MFSD11: variants seen among roughly 807,000 people sequenced by gnomAD.
The protein encoded by MFSD11 is major facilitator superfamily domain containing 11.
MFSD11 carries 36 observed loss-of-function variants against 53.5 expected under a neutral mutation model. That is an observed-to-expected ratio of 0.67 (90% CI 0.52 to 0.89). MFSD11 has a LOEUF of 0.89. Ranked by LOEUF, MFSD11 falls within the 40% of genes least tolerant of loss-of-function variation. The probability of loss-of-function intolerance (pLI) is 0.00; values close to 1 mark genes in which losing one functional copy is unlikely to be tolerated. For missense variants in MFSD11, 530 were observed against 543.9 expected (o/e 0.97, Z 0.25); for synonymous variants, 186 against 184.9 (o/e 1.01, Z -0.05).
intron 8 of MFSD11, among the ~76,000 whole-genome samples, chr17:76,758,987 G>A (rs1435902735): frequency 6.6e-6 from 1 of 152,102 alleles, no homozygotes. Flanking sequence ...GCTCACACCT[G>A]TAATACCAGC....
downstream of MFSD11, among the ~76,000 whole-genome samples, chr17:76,780,508 T>C (rs1168700574): frequency 6.7e-6 from 1 of 150,066 alleles, no homozygotes; most frequent in Non-Finnish European, 1.5e-5. Flanking sequence ...TTTTGGTTGT[T>C]GTGTATGTGT....
At chr17:76,751,641 A>G (rs1477072189) in intron 7 of MFSD11, among the ~76,000 whole-genome samples, 1 of 151,476 alleles carries the variant, frequency 6.6e-6, no homozygotes, top group Non-Finnish European at 1.5e-5. Flanking sequence ...TCAAGGCTAC[A>G]CTGAGCCATG....
At chr17:76,753,996 T>A in intron 7 of MFSD11, 51 bp from the exon 8 acceptor site, 3 of 1,455,910 alleles carry the variant, frequency 2.1e-6, no homozygotes, top group Non-Finnish European at 2.8e-6. Context: ...GTATGTTTGT[T>A]CTTTTATTTT....
the MFSD11 span, among the ~76,000 whole-genome samples, chr17:76,794,338 G>A: frequency 0.8 from 120,842 of 150,576 alleles, 50,905 homozygotes; most frequent in Non-Finnish European, 0.93. Flanking sequence ...TTAGCCGGGC[G>A]TGGTGGAGCG....
the MFSD11 span, among the ~76,000 whole-genome samples, chr17:76,801,201 G>A: frequency 1.3e-5 from 2 of 151,732 alleles, no homozygotes; most frequent in Non-Finnish European, 2.9e-5. Flanking sequence ...TGACCAGCCT[G>A]GCCAACATGG....
the MFSD11 span, among the ~76,000 whole-genome samples, chr17:76,793,009 A>G: frequency 2.0e-5 from 3 of 151,492 alleles, no homozygotes; most frequent in African/African-American, 7.4e-5. Context: ...GGTGTGGGTC[A>G]AAGAGATCAC....
chr17:76,764,380 T>C (rs1275583836), intron 8 of MFSD11, among the ~76,000 whole-genome samples: 2 of 152,116 alleles, frequency 1.3e-5, no homozygotes, highest in Non-Finnish European at 2.9e-5. Context: ...AACGAAAACT[T>C]TGTACTCTTT....
At chr17:76,803,184 C>CA in the MFSD11 span, among the ~76,000 whole-genome samples, 3,489 of 150,510 alleles carry the variant, frequency 0.023, 132 homozygotes, top group African/African-American at 0.078. Flanking sequence ...ACAAAACAAA[C>CA]AAAAAAAAAC....
intron 8 of MFSD11, among the ~76,000 whole-genome samples, chr17:76,755,800 ATATATATATATATTTTTTTTT>A (rs2079537443): frequency 1.8e-4 from 4 of 22,062 alleles, no homozygotes; most frequent in Non-Finnish European, 3.9e-4. Context: ...ACATATATAT[ATATATATATATATTTTTTTTT>A]TTTTTTTTTT....
intron 6 of MFSD11, among the ~76,000 whole-genome samples, chr17:76,744,009 G>A (rs138973111): frequency 9.8e-5 from 15 of 152,292 alleles, no homozygotes; most frequent in Admixed American, 5.2e-4. Flanking sequence ...ACGAGCTTAC[G>A]AGAATACTGC....
the MFSD11 span, among the ~76,000 whole-genome samples, chr17:76,802,185 C>T: frequency 2.0e-5 from 3 of 152,106 alleles, no homozygotes; most frequent in South Asian, 2.1e-4. Context: ...GCAGGAGAAT[C>T]GCTTGAAGCC....
intron 7 of MFSD11, among the ~76,000 whole-genome samples, chr17:76,749,759 G>A (rs1434445942): frequency 7.2e-5 from 11 of 151,800 alleles, no homozygotes; most frequent in African/African-American, 2.7e-4. Flanking sequence ...GTGTGGTGGT[G>A]TGTGCCTGTA....
rs1313552445 is a variant in MFSD11, at chr17:76,743,454, C to T, written c.494C>T (p.Ser165Leu). The T allele has an allele frequency of 6.4e-7, 1 of 1,572,268 alleles. No homozygotes were observed. The highest frequency in any genetic ancestry group is 1.4e-5 in the African/African-American group (1 of 72,806). ...GCCTGGCAAGGGAAAACTCAGATAT[C>T]AGGTTTGTTTTATTCGCGTTGCTTT... ...YFAWQGKTQI[S>L]ESDRRTVFIA... The change falls in exon 6 of 13, where the codon TCA (serine) becomes TTA (leucine). Residue 165 changes from serine (S) to leucine (L), a missense_variant and splice_region_variant. Physicochemically the swap from Ser to Leu is moderately radical, Grantham distance 145. Transcript: ENST00000685175.
chr17:76,795,965 G>A, the MFSD11 span, among the ~76,000 whole-genome samples: 49 of 151,818 alleles, frequency 3.2e-4, no homozygotes, highest in East Asian at 5.0e-3. Flanking sequence ...ACGCCTGGCC[G>A]ATCAGGCCCA....
intron 8 of MFSD11, among the ~76,000 whole-genome samples, chr17:76,763,695 A>G (rs2080510798): frequency 6.6e-6 from 1 of 152,066 alleles, no homozygotes; most frequent in Non-Finnish European, 1.5e-5. Context: ...TTGTTTCAGC[A>G]AACGCTCTAG....
intron 8 of MFSD11, among the ~76,000 whole-genome samples, chr17:76,763,086 A>C (rs1160900132): frequency 1.3e-5 from 2 of 151,978 alleles, no homozygotes; most frequent in Non-Finnish European, 2.9e-5. Context: ...TTTTGTGTGG[A>C]TGTGTTTTCA....
At chr17:76,755,814 T>TATATATATATA (rs1598612525) in intron 8 of MFSD11, among the ~76,000 whole-genome samples, 19 of 7,814 alleles carry the variant, frequency 2.4e-3, no homozygotes, top group South Asian at 0.012. Context: ...ATATATATAT[T>TATATATATATA]TTTTTTTTTT....
downstream of MFSD11, among the ~76,000 whole-genome samples, chr17:76,784,432 C>A (rs1049041931): frequency 2.0e-5 from 3 of 152,046 alleles, no homozygotes; most frequent in South Asian, 6.2e-4. Flanking sequence ...ACTTGGGAGG[C>A]TGAGGCAGGA....
upstream of MFSD11, chr17:76,736,725 C>G: frequency 7.3e-7 from 1 of 1,365,692 alleles, no homozygotes; most frequent in Non-Finnish European, 9.4e-7. Flanking sequence ...TGCTTCGCCG[C>G]GGACCTTTGT....
Sources: gnomAD v4.1 joint callset for allele counts (sites outside exome capture counted in the v4.1 genomes callset) on GRCh38, gnomAD v4.1.1 for gene constraint, MANE v1.5 for transcripts, NCBI Gene and HGNC (gene_info 2026-07-23, HGNC 2026-07-21) for gene names.